IDO2: variants seen among roughly 807,000 people sequenced by gnomAD.
IDO2 encodes indoleamine 2,3-dioxygenase-like 1 protein.
In IDO2, 46 loss-of-function variants were observed where a neutral mutation model predicts 45.1. The ratio of observed to expected loss-of-function variants is 1.02; its 90% CI spans 0.80 to 1.30. The LOEUF is 1.30. Ranked by LOEUF, IDO2 falls within the 50% of genes most tolerant of loss-of-function variation. IDO2 has a pLI of 0.00. For missense variants in IDO2, 544 were observed against 491.8 expected, an observed-to-expected ratio of 1.11 and a Z score of -1.00; for synonymous variants, 218 against 184.9, an observed-to-expected ratio of 1.18 and a Z score of -1.45.
chr8:39,995,272 T>TC (rs1802022865), intron 8 of IDO2: 2 of 130,524 alleles, frequency 1.5e-5, no homozygotes, highest in Non-Finnish European at 3.1e-5. Flanking sequence ...TTCCTCTTCT[T>TC]CTTCTTCTTC....
At chr8:39,988,326 C>A (rs1808453904) in intron 7 of IDO2, among the ~76,000 whole-genome samples, 1 of 152,056 alleles carries the variant, frequency 6.6e-6, no homozygotes, top group Admixed American at 6.6e-5. Context: ...CTGCACCGGG[C>A]CTCAAACTGG....
At chr8:39,999,791 T>A (rs1246000073) in intron 8 of IDO2, among the ~76,000 whole-genome samples, 1 of 152,174 alleles carries the variant, frequency 6.6e-6, no homozygotes, top group Non-Finnish European at 1.5e-5. Context: ...ATTTTCTTCC[T>A]CAAGAGGATG....
chr8:39,981,358 C>A (rs1382134829), intron 4 of IDO2, among the ~76,000 whole-genome samples: 1 of 152,156 alleles, frequency 6.6e-6, no homozygotes, highest in Non-Finnish European at 1.5e-5. Flanking sequence ...CCGTGCCCGG[C>A]GTGCATTTTT....
chr8:39,961,597 C>T (rs937678376), intron 2 of IDO2, among the ~76,000 whole-genome samples: 6 of 152,168 alleles, frequency 3.9e-5, no homozygotes, highest in Non-Finnish European at 8.8e-5. Flanking sequence ...GCTGAAATTA[C>T]AGGTATGAGC....
At chr8:39,955,060 G>T (rs1345229922) in intron 2 of IDO2, among the ~76,000 whole-genome samples, 4 of 150,610 alleles carry the variant, frequency 2.7e-5, no homozygotes, top group African/African-American at 7.3e-5. Context: ...TCCTTCAAGG[G>T]CCTATCTCCA....
Position 39,949,147 on chromosome 8 carries a change from A to G in IDO2, c.-17-2A>G. The G allele has an allele frequency of 6.3e-7, 1 of 1,598,186 alleles. No homozygotes were observed. ...GATTCTTCAGTGACACTTTCCATGC[A>G]GATACTTCAAACAAAATAATGGAGC... is the stretch of plus-strand genomic sequence containing the variant. On this transcript the variant is annotated splice_acceptor_variant, in intron 1 of 10. Transcript: ENST00000502986. LOFTEE classifies it low-confidence loss of function (5UTR_SPLICE).
intron 1 of IDO2, among the ~76,000 whole-genome samples, chr8:39,946,081 G>A (rs1284986537): frequency 6.6e-6 from 1 of 152,156 alleles, no homozygotes; most frequent in Non-Finnish European, 1.5e-5. Flanking sequence ...GAGGCTACAA[G>A]ATTCTGACTC....
chr8:39,946,359 C>T lies in IDO2; in HGVS notation c.-17-2790C>T, dbSNP rs143859177. ...GGGCGGTGGCTCATGCCTGTAATCC[C>T]AGCACTTTGGGAGGCCAAGGCAGGC... On this transcript the variant is annotated intron_variant, in intron 1 of 10. Transcript: ENST00000502986. Among the ~76,000 whole-genome samples, 1,009 of 152,316 alleles carry T rather than the reference C, an allele frequency of 6.6e-3. 14 individuals are homozygous for T. The highest frequency in any genetic ancestry group is 0.023 in the African/African-American group (966 of 41,574).
rs58094600 is a variant in IDO2 at position 39,987,437 on chromosome 8, C to T, written c.450-434C>T. The T allele has an allele frequency of 6.0e-3, 942 of 157,426 alleles. 8 individuals carry two copies. The highest frequency in any genetic ancestry group is 0.02 in the African/African-American group (847 of 41,748). 9.8% of individuals were successfully genotyped at this position (157,426 alleles called of 1,614,324 possible). ...TGAAACTCTTCCCAGCCTGGTCCTGCGATTAGCTGGCTATATGACCTTGGA... is the reference window on the plus strand; with the variant it reads ...TGAAACTCTTCCCAGCCTGGTCCTGTGATTAGCTGGCTATATGACCTTGGA... On this transcript the variant is annotated intron_variant, in intron 6 of 10. Coordinates refer to ENST00000502986, the Ensembl canonical transcript of IDO2.
intron 2 of IDO2, among the ~76,000 whole-genome samples, chr8:39,950,307 G>A (rs867436482): frequency 2.0e-5 from 3 of 152,188 alleles, no homozygotes. Context: ...AAGGCAGGTG[G>A]ATCACTTGAG....
At chr8:40,012,042 G>A (rs926565192) in intron 9 of IDO2, among the ~76,000 whole-genome samples, 8 of 152,104 alleles carry the variant, frequency 5.3e-5, no homozygotes, top group African/African-American at 9.7e-5. Flanking sequence ...AACCCAAAGC[G>A]TCCCCAGTGA....
intron 8 of IDO2, among the ~76,000 whole-genome samples, chr8:39,999,741 G>A (rs1405433406): frequency 1.3e-5 from 2 of 152,176 alleles, no homozygotes; most frequent in African/African-American, 4.8e-5. Flanking sequence ...AGGATTACAG[G>A]CGGGAGCCAC....
intron 8 of IDO2, chr8:39,998,329 G>GA (rs994920371): frequency 2.0e-5 from 3 of 152,082 alleles, no homozygotes; most frequent in Admixed American, 2.0e-4. Flanking sequence ...ACTTTCTTTT[G>GA]AAAAATGTAT....
At chr8:39,963,854 A>G (rs1244143182) in intron 3 of IDO2, among the ~76,000 whole-genome samples, 151 bp downstream of exon 3, 1 of 152,232 alleles carries the variant, frequency 6.6e-6, no homozygotes, top group Non-Finnish European at 1.5e-5. Context: ...CCTGAAAAAC[A>G]GAATGACCCC....
At chr8:40,006,095 G>T (rs1802215977) in intron 9 of IDO2, among the ~76,000 whole-genome samples, 1 of 152,170 alleles carries the variant, frequency 6.6e-6, no homozygotes, top group South Asian at 2.1e-4. Context: ...CTTGATCTTG[G>T]ACTTCCCAGC....
At chr8:40,011,248 A>C (rs181505754) in intron 9 of IDO2, among the ~76,000 whole-genome samples, 69 of 152,340 alleles carry the variant, frequency 4.5e-4, no homozygotes, top group Admixed American at 1.1e-3. Context: ...AGGCTAGAGA[A>C]GACCATTTGG....
chr8:39,953,532 A>G (rs1422455358), intron 2 of IDO2, among the ~76,000 whole-genome samples: 1 of 152,052 alleles, frequency 6.6e-6, no homozygotes, highest in Non-Finnish European at 1.5e-5. Context: ...TAGTGTTTAA[A>G]TTTTTACTTC....
chr8:39,943,895 CA>C (rs1807690804), intron 1 of IDO2, among the ~76,000 whole-genome samples: 1 of 152,100 alleles, frequency 6.6e-6, no homozygotes, highest in African/African-American at 2.4e-5. Flanking sequence ...AGCAATCAAA[CA>C]GGGGAAGTGG....
intron 3 of IDO2, among the ~76,000 whole-genome samples, chr8:39,975,257 CT>C (rs1808243150): frequency 6.6e-6 from 1 of 150,698 alleles, no homozygotes; most frequent in Admixed American, 6.6e-5. Context: ...GCTCCACCTC[CT>C]GGGTTCACGC....
Sources: gnomAD v4.1 joint callset for allele counts (sites outside exome capture counted in the v4.1 genomes callset) on GRCh38, gnomAD v4.1.1 for gene constraint, MANE v1.5 for transcripts, NCBI Gene and HGNC (gene_info 2026-07-23, HGNC 2026-07-21) for gene names.